NDUFV2: variants seen among roughly 807,000 people sequenced by gnomAD.
The protein encoded by NDUFV2 is NADH:ubiquinone oxidoreductase core subunit V2, also known as NADH dehydrogenase [ubiquinone] flavoprotein 2, mitochondrial.
NDUFV2 carries 18 observed loss-of-function variants against 31.6 expected under a neutral mutation model. The observed-to-expected ratio is 0.57, with a 90% CI of 0.39 to 0.84. NDUFV2 has a LOEUF of 0.84. Among genes scored for constraint, NDUFV2 ranks in the 40% least tolerant of loss-of-function variants. The probability of loss-of-function intolerance (pLI) is 0.00; values close to 1 mark genes in which losing one functional copy is unlikely to be tolerated. For synonymous variants in NDUFV2, 83 were observed against 99.8 expected (o/e 0.83, Z 1.01); for missense variants, 314 against 303.6 (o/e 1.03, Z -0.26).
chr18:9,111,399 C>T (rs1180627335), intron 1 of NDUFV2, among the ~76,000 whole-genome samples: 1 of 152,116 alleles, frequency 6.6e-6, no homozygotes, highest in Non-Finnish European at 1.5e-5. Flanking sequence ...ATCTGCCAAG[C>T]AGAATATTAA....
intron 5 of NDUFV2, among the ~76,000 whole-genome samples, 173 bp downstream of exon 5, chr18:9,122,854 T>C (rs993229643): frequency 5.9e-5 from 9 of 152,264 alleles, no homozygotes; most frequent in Non-Finnish European, 1.2e-4. Context: ...TTTGGTATTC[T>C]TCCTCAGTTC....
intron 1 of NDUFV2, chr18:9,105,003 G>A: frequency 6.6e-7 from 1 of 1,519,328 alleles, no homozygotes; most frequent in Non-Finnish European, 8.9e-7. Flanking sequence ...TTGGTAGCCT[G>A]CTCTTTTGTA....
At chr18:9,103,899 ATC>A (rs796304337) in intron 1 of NDUFV2, 62 of 418,108 alleles carry the variant, frequency 1.5e-4, no homozygotes, top group African/African-American at 1.1e-3. Context: ...CGAGTTAAAT[ATC>A]TACATTCCAC....
intron 6 of NDUFV2, 94 bp from the exon 7 acceptor site, chr18:9,126,736 AC>A: frequency 8.9e-7 from 1 of 1,122,598 alleles, no homozygotes; most frequent in Non-Finnish European, 1.3e-6. Context: ...GGAGTTGGAG[AC>A]CAGCCTGGGC....
At chr18:9,131,085 T>C (rs566167207) in intron 7 of NDUFV2, among the ~76,000 whole-genome samples, 4 of 152,248 alleles carry the variant, frequency 2.6e-5, no homozygotes, top group Non-Finnish European at 4.4e-5. Context: ...GCACATATTT[T>C]GCATGTTGTC....
intron 1 of NDUFV2, among the ~76,000 whole-genome samples, chr18:9,110,792 G>A (rs953994312): frequency 1.3e-5 from 2 of 152,180 alleles, no homozygotes; most frequent in African/African-American, 4.8e-5. Context: ...ATGGGTGTGA[G>A]CCACCGTGTC....
intron 5 of NDUFV2, among the ~76,000 whole-genome samples, chr18:9,124,184 T>A (rs536081324): frequency 8.2e-6 from 1 of 122,048 alleles, no homozygotes; most frequent in Non-Finnish European, 1.8e-5. Context: ...TTACATAGAG[T>A]TTTTTTTTTG....
At position 9,119,404 on chromosome 18, in the gene NDUFV2, C is replaced by T. The variant is rs1052625937; in HGVS notation, c.183+16C>T. 1.9e-6 allele frequency: 3 copies of T among 1,598,996 alleles called. No homozygotes were observed. The highest frequency in any genetic ancestry group is 2.6e-6 in the Non-Finnish European group (3 of 1,166,610). On this transcript the variant is annotated intron_variant, in intron 3 of 7. Coordinates refer to ENST00000318388, the MANE Select transcript of NDUFV2 (RefSeq NM_021074.5). Reference sequence around the variant, plus strand: ...AAACTATAAGGTATGGCTAAATTAACATTATAATTAATTTACCAAATAGGT... The same window carrying T: ...AAACTATAAGGTATGGCTAAATTAATATTATAATTAATTTACCAAATAGGT...
chr18:9,126,773 A>C (rs2077994156), intron 6 of NDUFV2, 58 bp from the exon 7 acceptor site: 2 of 1,444,896 alleles, frequency 1.4e-6, no homozygotes, highest in Non-Finnish European at 1.9e-6. Context: ...TGTCTCTATA[A>C]ATATATCGAT....
At chr18:9,129,964 A>T (rs1286690557) in intron 7 of NDUFV2, among the ~76,000 whole-genome samples, 7 of 152,178 alleles carry the variant, frequency 4.6e-5, no homozygotes, top group Non-Finnish European at 1.0e-4. Context: ...TTTTGGCTTG[A>T]GCATCTCTGA....
intron 1 of NDUFV2, among the ~76,000 whole-genome samples, chr18:9,113,761 C>T (rs1044066313): frequency 6.6e-6 from 1 of 152,168 alleles, no homozygotes; most frequent in East Asian, 1.9e-4. Context: ...CATTCTACCC[C>T]CTGCTTGCTC....
At chr18:9,126,764 G>C in intron 6 of NDUFV2, 67 bp from the exon 7 acceptor site, 1 of 1,394,980 alleles carries the variant, frequency 7.2e-7, no homozygotes. Context: ...GTGAGACCTT[G>C]TCTCTATAAA....
intron 1 of NDUFV2, among the ~76,000 whole-genome samples, chr18:9,116,782 T>C (rs1460591786): frequency 6.6e-6 from 1 of 152,210 alleles, no homozygotes; most frequent in Non-Finnish European, 1.5e-5. Flanking sequence ...TGCCTTTGAA[T>C]TGTCCAACTC....
At chr18:9,132,374 C>T (rs983401973) in intron 7 of NDUFV2, 4 of 152,072 alleles carry the variant, frequency 2.6e-5, no homozygotes. Context: ...TTTAAGATAA[C>T]AAATGCTCAG....
At chr18:9,119,175 G>T in intron 2 of NDUFV2, 151 bp from the exon 3 acceptor site, 1 of 679,480 alleles carries the variant, frequency 1.5e-6, no homozygotes. Context: ...TGTGTGTTTA[G>T]ACATTCTTTT....
At chr18:9,119,638 A>G (rs764821161) in intron 4 of NDUFV2, 48 bp downstream of exon 4, 1 of 1,448,906 alleles carries the variant, frequency 6.9e-7, no homozygotes, top group Non-Finnish European at 9.7e-7. Flanking sequence ...GAGATTGTGT[A>G]TGATAATTTC....
At chr18:9,103,072 TTTTTGCTG>T (rs2077823129) in intron 1 of NDUFV2, 2 of 422,670 alleles carry the variant, frequency 4.7e-6, no homozygotes, top group African/African-American at 2.1e-5. Context: ...TGTTTGTTTG[TTTTTGCTG>T]TTTTGCTGTA....
chr18:9,109,515 G>T (rs2077859114), intron 1 of NDUFV2, among the ~76,000 whole-genome samples: 1 of 152,210 alleles, frequency 6.6e-6, no homozygotes, highest in South Asian at 2.1e-4. Flanking sequence ...CAGAAAAAGA[G>T]TAGAGCCCAT....
At chr18:9,127,835 T>G (rs1346938827) in intron 7 of NDUFV2, among the ~76,000 whole-genome samples, 1 of 152,194 alleles carries the variant, frequency 6.6e-6, no homozygotes, top group East Asian at 1.9e-4. Context: ...CCTCCTTTGT[T>G]CCAGACATTA....
Sources: gnomAD v4.1 joint callset for allele counts (sites outside exome capture counted in the v4.1 genomes callset) on GRCh38, gnomAD v4.1.1 for gene constraint, MANE v1.5 for transcripts, NCBI Gene and HGNC (gene_info 2026-07-23, HGNC 2026-07-21) for gene names.